LUZP2: variants seen among roughly 807,000 people sequenced by gnomAD.
The protein encoded by LUZP2 is leucine zipper protein 2.
LUZP2 carries 52 observed loss-of-function variants against 51.6 expected under a neutral mutation model. The observed-to-expected ratio is 1.01, with a 90% CI of 0.81 to 1.27. The LOEUF is 1.27. Among genes scored for constraint, LUZP2 ranks in the 50% most tolerant of loss-of-function variants. The pLI is 0.00. For missense variants in LUZP2, 436 were observed against 395.4 expected (o/e 1.10, Z -0.87); for synonymous variants, 154 against 137.3 (o/e 1.12, Z -0.85).
intron 5 of LUZP2, among the ~76,000 whole-genome samples, chr11:24,790,468 G>A (rs1434606366): frequency 6.6e-6 from 1 of 151,562 alleles, no homozygotes; most frequent in African/African-American, 2.4e-5. Flanking sequence ...TTATCTCACT[G>A]ATCATTCTTC....
chr11:24,594,934 G>C (rs1052495697), intron 1 of LUZP2, among the ~76,000 whole-genome samples: 2 of 151,178 alleles, frequency 1.3e-5, no homozygotes, highest in African/African-American at 4.9e-5. Context: ...TAATTTTTTT[G>C]TATTTTTAGT....
intron 9 of LUZP2, among the ~76,000 whole-genome samples, chr11:24,992,793 C>T (rs1856387653): frequency 6.6e-6 from 1 of 152,008 alleles, no homozygotes; most frequent in Non-Finnish European, 1.5e-5. Flanking sequence ...TTGATGACTT[C>T]CCTATTGAAT....
At chr11:24,902,119 C>A (rs1302991252) in intron 5 of LUZP2, among the ~76,000 whole-genome samples, 1 of 152,068 alleles carries the variant, frequency 6.6e-6, no homozygotes, top group Non-Finnish European at 1.5e-5. Flanking sequence ...ACATTAAACA[C>A]AATTTTATTA....
intron 5 of LUZP2, among the ~76,000 whole-genome samples, chr11:24,779,890 C>T (rs1053585824): frequency 2.6e-5 from 4 of 151,728 alleles, no homozygotes; most frequent in African/African-American, 7.3e-5. Flanking sequence ...TTGAAGATGC[C>T]GACTTTGATA....
chr11:24,593,165 A>C (rs2133846148), intron 1 of LUZP2, among the ~76,000 whole-genome samples: 1 of 152,244 alleles, frequency 6.6e-6, no homozygotes, highest in African/African-American at 2.4e-5. Context: ...GTAAAAATCA[A>C]CTTTCCTCTG....
At chr11:24,754,975 G>A (rs1168435150) in intron 4 of LUZP2, among the ~76,000 whole-genome samples, 9 of 151,934 alleles carry the variant, frequency 5.9e-5, no homozygotes, top group East Asian at 1.9e-4. Flanking sequence ...GTGAAACCCC[G>A]TCTCTACTAA....
At chr11:24,575,059 C>A (rs1039575477) in intron 1 of LUZP2, among the ~76,000 whole-genome samples, 1 of 152,062 alleles carries the variant, frequency 6.6e-6, no homozygotes, top group African/African-American at 2.4e-5. Flanking sequence ...TCTGTCATTT[C>A]CTCATAAACT....
At chr11:24,576,149 A>G (rs1260475671) in intron 1 of LUZP2, among the ~76,000 whole-genome samples, 1 of 152,128 alleles carries the variant, frequency 6.6e-6, no homozygotes, top group African/African-American at 2.4e-5. Flanking sequence ...ATGGTGGCTC[A>G]TGCCTGTAAT....
chr11:24,562,078 G>A (rs182676769), intron 1 of LUZP2, among the ~76,000 whole-genome samples: 2 of 152,146 alleles, frequency 1.3e-5, no homozygotes, highest in Admixed American at 6.5e-5. Flanking sequence ...AACGTTAGGC[G>A]ATGAGGATTT....
chr11:24,994,752 T>A (rs1009339396), intron 9 of LUZP2, among the ~76,000 whole-genome samples: 2 of 152,204 alleles, frequency 1.3e-5, no homozygotes, highest in African/African-American at 2.4e-5. Context: ...TCTTCGAATA[T>A]TCTATTTTTT....
At chr11:24,834,516 T>C (rs2716503) in intron 5 of LUZP2, among the ~76,000 whole-genome samples, 23,823 of 152,194 alleles carry the variant, frequency 0.16, 2,074 homozygotes, top group African/African-American at 0.22. Context: ...TGGGTTGGTT[T>C]GAAGTCTTTG....
At position 24,520,173 on chromosome 11, in the gene LUZP2, G is replaced by A. The variant is rs557784075; in HGVS notation, c.62+22868G>A. Among the ~76,000 whole-genome samples, 5 of 152,214 alleles carry A rather than the reference G, an allele frequency of 3.3e-5. No individual in the cohort carries two copies. In the East Asian group the frequency reaches 7.7e-4, roughly 24 times the overall value. ...TGTGTACCCTTAAAAGGGGAAATCA[G>A]GTAGAAAGACAGCTGTCAAGAAGAT... On this transcript the variant is annotated intron_variant, in intron 1 of 11. Transcript: ENST00000336930.
At chr11:24,514,647 C>A (rs770757455) in intron 1 of LUZP2, among the ~76,000 whole-genome samples, 3 of 150,378 alleles carry the variant, frequency 2.0e-5, no homozygotes, top group African/African-American at 7.5e-5. Context: ...ACTTTGTTAA[C>A]ATAATTTTCT....
intron 7 of LUZP2, among the ~76,000 whole-genome samples, chr11:24,959,511 G>C (rs1432455984): frequency 5.3e-5 from 8 of 152,056 alleles, no homozygotes; most frequent in Non-Finnish European, 1.0e-4. Flanking sequence ...TATTCTCTTT[G>C]AAGCAATTGT....
intron 5 of LUZP2, among the ~76,000 whole-genome samples, chr11:24,818,204 C>T (rs923216): frequency 0.45 from 67,643 of 151,768 alleles, 15,207 homozygotes; most frequent in Middle Eastern, 0.51. Context: ...ATGGATGATC[C>T]GTCTTTTAGG....
intron 1 of LUZP2, among the ~76,000 whole-genome samples, chr11:24,566,851 C>A (rs1384003669): frequency 2.9e-5 from 4 of 135,632 alleles, no homozygotes; most frequent in East Asian, 2.0e-4. Context: ...GGTATATATA[C>A]ATATATAATG....
At chr11:24,751,323 AT>A (rs1859578337) in intron 4 of LUZP2, 3 of 152,154 alleles carry the variant, frequency 2.0e-5, no homozygotes, top group Admixed American at 2.0e-4. Context: ...TTTGGAAGAG[AT>A]CGTTGTGATT....
At position 25,006,686 on chromosome 11, in the gene LUZP2, C is replaced by T. The variant is rs566977600; in HGVS notation, c.765+23393C>T. ...GAGTCCAATGGCACTCACCACTTGG[C>T]GATAGTCGATAGTCCCATCTGGGTC... On this transcript the variant is annotated intron_variant, in intron 9 of 11. Transcript: ENST00000336930. Among the ~76,000 whole-genome samples, 28 of 152,252 alleles carry T rather than the reference C, an allele frequency of 1.8e-4. No individual in the cohort carries two copies. The South Asian group carries it at 2.7e-3, about 15-fold the overall frequency.
chr11:24,849,003 G>T lies in LUZP2; in HGVS notation c.397-56988G>T, dbSNP rs539305832. ...ACAACCTAAGTGGGGAAGGTATAAAGCCATCTCTCTACAAACATGAACAAG... is the reference window on the plus strand; with the variant it reads ...ACAACCTAAGTGGGGAAGGTATAAATCCATCTCTCTACAAACATGAACAAG... On this transcript the variant is annotated intron_variant, in intron 5 of 11. Coordinates refer to ENST00000336930, the MANE Select transcript of LUZP2 (RefSeq NM_001009909.4). 2.6e-5 allele frequency among the ~76,000 whole-genome samples: 4 copies of T among 152,116 alleles called. No individual in the cohort carries two copies. In the South Asian group the frequency reaches 6.2e-4, roughly 24 times the overall value.
Sources: gnomAD v4.1 joint callset for allele counts (sites outside exome capture counted in the v4.1 genomes callset) on GRCh38, gnomAD v4.1.1 for gene constraint, MANE v1.5 for transcripts, NCBI Gene and HGNC (gene_info 2026-07-23, HGNC 2026-07-21) for gene names.